SNX29: variants seen among roughly 807,000 people sequenced by gnomAD.
SNX29 encodes sorting nexin 29, also known as sorting nexin-29.
In SNX29, 78 loss-of-function variants were observed where a neutral mutation model predicts 102.1. The ratio of observed to expected loss-of-function variants is 0.76; its 90% CI spans 0.64 to 0.92. SNX29 has a LOEUF of 0.92. Ranked by LOEUF, SNX29 falls within the 40% of genes least tolerant of loss-of-function variation. The pLI, the probability that SNX29 is intolerant of heterozygous loss-of-function variation, is 0.00. For missense variants in SNX29, 1,280 were observed against 1,061.7 expected (o/e 1.21, Z -2.86); for synonymous variants, 580 against 414.5 (o/e 1.40, Z -4.85).
intron 3 of SNX29, among the ~76,000 whole-genome samples, 160 bp from the exon 4 acceptor site, chr16:12,027,160 G>A (rs1445197488): frequency 2.0e-5 from 3 of 152,200 alleles, no homozygotes; most frequent in Non-Finnish European, 4.4e-5. Flanking sequence ...GTGTGGAGTG[G>A]CGCAGGTCAG....
At chr16:12,308,201 C>A (rs1014493139) in intron 15 of SNX29, among the ~76,000 whole-genome samples, 6 of 152,210 alleles carry the variant, frequency 3.9e-5, no homozygotes, top group African/African-American at 1.4e-4. Flanking sequence ...TGCTGACACC[C>A]GGCAGGCAGG....
chr16:12,540,104 T>C (rs1039970166), intron 20 of SNX29, among the ~76,000 whole-genome samples: 1 of 152,208 alleles, frequency 6.6e-6, no homozygotes, highest in Non-Finnish European at 1.5e-5. Context: ...TAAACCCAGG[T>C]CATAAAGATT....
chr16:12,430,893 C>T (rs1237962229), intron 18 of SNX29, among the ~76,000 whole-genome samples: 1 of 149,788 alleles, frequency 6.7e-6, no homozygotes, highest in African/African-American at 2.5e-5. Context: ...CTCTGTCGTG[C>T]CCAGGCTGGA....
At chr16:12,566,099 C>T (rs1303341789) in intron 20 of SNX29, among the ~76,000 whole-genome samples, 3 of 152,250 alleles carry the variant, frequency 2.0e-5, no homozygotes, top group East Asian at 3.8e-4. Flanking sequence ...ATGCTTAAAA[C>T]CACCCCACCT....
At chr16:12,557,023 C>CT (rs1555458249) in intron 20 of SNX29, among the ~76,000 whole-genome samples, 3 of 120,908 alleles carry the variant, frequency 2.5e-5, no homozygotes, top group South Asian at 6.6e-4. Flanking sequence ...TTACCCCCCC[C>CT]CCGCCCCAAG....
chr16:12,380,705 A>AACCATCAATTCCATCCACAC (rs2083068728), intron 16 of SNX29, among the ~76,000 whole-genome samples: 1 of 34,918 alleles, frequency 2.9e-5, no homozygotes, highest in East Asian at 1.7e-3. Context: ...TCCACCCACC[A>AACCATCAATTCCATCCACAC]ACCATCAATT....
rs113330932 is a variant in SNX29 at position 12,057,524 on chromosome 16, A to G, written c.1125-4004A>G. Among the ~76,000 whole-genome samples the G allele has an allele frequency of 1.3e-3, 195 of 152,292 alleles. 2 individuals are homozygous for G. Among genetic ancestry groups the G allele is most frequent in the African/African-American group, 4.4e-3 (182 of 41,564 alleles). Reference sequence around the variant, plus strand: ...GCATGAACTTAAGGATGTTTATCCCACTTGGTTTAGCAGTCCCAGTGCGAG... The same window carrying G: ...GCATGAACTTAAGGATGTTTATCCCGCTTGGTTTAGCAGTCCCAGTGCGAG... On this transcript the variant is annotated intron_variant, in intron 8 of 20. Coordinates refer to ENST00000566228, the MANE Select transcript of SNX29 (RefSeq NM_032167.5).
chr16:12,392,541 G>T (rs1186567207), intron 16 of SNX29, among the ~76,000 whole-genome samples: 1 of 152,158 alleles, frequency 6.6e-6, no homozygotes, highest in Admixed American at 6.5e-5. Flanking sequence ...TGCCTACCAC[G>T]TTGGACTCTG....
intron 20 of SNX29, among the ~76,000 whole-genome samples, chr16:12,567,818 C>CT (rs931709493): frequency 1.2e-3 from 185 of 152,268 alleles, no homozygotes; most frequent in African/African-American, 4.3e-3. Context: ...GCTGAGCACC[C>CT]TCTGCTCTCA....
At chr16:12,182,458 C>G (rs965693014) in intron 13 of SNX29, among the ~76,000 whole-genome samples, 1 of 152,134 alleles carries the variant, frequency 6.6e-6, no homozygotes, top group African/African-American at 2.4e-5. Flanking sequence ...CTGATGGCTG[C>G]TAACGCTTGC....
chr16:12,028,346 A>G (rs1567542817), intron 4 of SNX29, among the ~76,000 whole-genome samples: 1 of 151,864 alleles, frequency 6.6e-6, no homozygotes, highest in African/African-American at 2.4e-5. Flanking sequence ...CAACCCTTCA[A>G]TAGATCTTTT....
At chr16:12,432,083 C>T (rs1444395641) in intron 18 of SNX29, among the ~76,000 whole-genome samples, 3 of 152,180 alleles carry the variant, frequency 2.0e-5, no homozygotes, top group Non-Finnish European at 4.4e-5. Flanking sequence ...GGAAATAAGA[C>T]CTGGTGATGG....
rs189038027 is a variant in SNX29 at position 12,080,117 on chromosome 16, C to T, written c.1402+1202C>T. On this transcript the variant is annotated intron_variant, in intron 11 of 20. Transcript: ENST00000566228. ...CTTGGTACAAAAACGTTGAAGCTCC[C>T]CCGACCTTCACTAGAAGGTGCTTAC... Among the ~76,000 whole-genome samples the T allele has an allele frequency of 1.6e-3, 236 of 152,216 alleles. 1 individual carries two copies. Among genetic ancestry groups the T allele is most frequent in the Non-Finnish European group, 2.8e-3 (193 of 68,010 alleles).
At chr16:12,413,197 G>T (rs2084477230) in intron 18 of SNX29, among the ~76,000 whole-genome samples, 1 of 152,146 alleles carries the variant, frequency 6.6e-6, no homozygotes, top group Non-Finnish European at 1.5e-5. Context: ...ATGGAGAAGG[G>T]GAATGTGAAA....
chr16:12,420,405 G>C (rs1003513427), intron 18 of SNX29, among the ~76,000 whole-genome samples: 1 of 152,146 alleles, frequency 6.6e-6, no homozygotes, highest in Admixed American at 6.5e-5. Flanking sequence ...TAAAATCAGG[G>C]TGTTTCATCT....
Position 12,574,168 on chromosome 16 carries a change from A to G in SNX29, c.*5539A>G, listed in dbSNP as rs912056368. 8 of 180,350 alleles carry G rather than the reference A, an allele frequency of 4.4e-5. No individual in the cohort carries two copies. The highest frequency in any genetic ancestry group is 1.8e-4 in the East Asian group (2 of 10,868). 11.2% of individuals were successfully genotyped at this position (180,350 alleles called of 1,614,324 possible). ...AAACAAATGTGTTTAATTTTTTAAG[A>G]TCTCTTGTATTAAAATTTTCTTTTG... is the stretch of plus-strand genomic sequence containing the variant. On this transcript the variant is annotated 3_prime_UTR_variant, in exon 21 of 21. Coordinates refer to ENST00000566228, the MANE Select transcript of SNX29 (RefSeq NM_032167.5).
intron 15 of SNX29, among the ~76,000 whole-genome samples, chr16:12,312,743 A>C (rs2080600978): frequency 6.6e-6 from 1 of 151,982 alleles, no homozygotes; most frequent in Non-Finnish European, 1.5e-5. Context: ...AGGCCAAATA[A>C]CTTCCATGGT....
rs1182980791 is a variant in SNX29 at position 12,060,669 on chromosome 16, A to T, written c.1125-859A>T. Reference sequence around the variant, plus strand: ...GGGTTTTTTGAAACGGTTGATACAGATGTAATGCAGATACTGGGGGACGGC... The same window carrying T: ...GGGTTTTTTGAAACGGTTGATACAGTTGTAATGCAGATACTGGGGGACGGC... On this transcript the variant is annotated intron_variant, in intron 8 of 20. Transcript: ENST00000566228. The T allele has an allele frequency of 3.1e-5, 13 of 421,626 alleles. 1 individual carries two copies. The highest frequency in any genetic ancestry group is 1.7e-4 in the South Asian group (10 of 57,190). 26.1% of individuals were successfully genotyped at this position (421,626 alleles called of 1,614,324 possible).
chr16:12,114,351 G>A (rs766830138), intron 11 of SNX29, among the ~76,000 whole-genome samples: 2 of 152,186 alleles, frequency 1.3e-5, no homozygotes, highest in African/African-American at 2.4e-5. Flanking sequence ...AGAAGCACAC[G>A]TCCATGACCT....
Sources: allele counts gnomAD v4.1 joint callset (sites outside exome capture counted in the v4.1 genomes callset), GRCh38; gene constraint gnomAD v4.1.1; transcripts MANE v1.5; gene names NCBI Gene and HGNC (gene_info 2026-07-23, HGNC 2026-07-21).